The following MGAT5 variants were observed in gnomAD, a reference collection of about 807,000 sequenced individuals.
MGAT5 encodes alpha-1,6-mannosylglycoprotein 6-beta-N-acetylglucosaminyltransferase A.
In MGAT5, 30 loss-of-function variants were observed where a neutral mutation model predicts 94.3. The observed-to-expected ratio is 0.32, with a 90% confidence interval of 0.24 to 0.43. The LOEUF is 0.43. Ranked by LOEUF, MGAT5 falls within the 20% of genes least tolerant of loss-of-function variation. The pLI is 1.00. For synonymous variants in MGAT5, 310 were observed against 322.9 expected, an observed-to-expected ratio of 0.96 and a Z score of 0.43; for missense variants, 691 against 905.5, an observed-to-expected ratio of 0.76 and a Z score of 3.04.
intron 12 of MGAT5, among the ~76,000 whole-genome samples, chr2:134,417,834 T>C (rs955008896): frequency 2.6e-5 from 4 of 152,208 alleles, no homozygotes; most frequent in Non-Finnish European, 4.4e-5. Flanking sequence ...CAGTATTTAT[T>C]GTATCATATA....
At chr2:134,446,357 C>T (rs1430241362) in intron 15 of MGAT5, among the ~76,000 whole-genome samples, 3 of 151,826 alleles carry the variant, frequency 2.0e-5, no homozygotes, top group Non-Finnish European at 4.4e-5. Flanking sequence ...TGAGAGTCGC[C>T]GTAGAGATTT....
intron 12 of MGAT5, among the ~76,000 whole-genome samples, chr2:134,416,952 T>C (rs1684012153): frequency 6.6e-6 from 1 of 150,904 alleles, no homozygotes; most frequent in Non-Finnish European, 1.5e-5. Flanking sequence ...CACTCCTTTT[T>C]ATGAATATCT....
chr2:134,300,428 C>G (rs1685944232), intron 2 of MGAT5, among the ~76,000 whole-genome samples: 1 of 152,148 alleles, frequency 6.6e-6, no homozygotes, highest in Non-Finnish European at 1.5e-5. Flanking sequence ...GTGACTCTTT[C>G]TGCACATGTG....
intron 13 of MGAT5, among the ~76,000 whole-genome samples, chr2:134,424,732 T>C (rs1029539265): frequency 6.6e-6 from 1 of 152,198 alleles, no homozygotes; most frequent in Non-Finnish European, 1.5e-5. Flanking sequence ...GAAGTCAAAA[T>C]GTCAGCAGGG....
intron 2 of MGAT5, among the ~76,000 whole-genome samples, chr2:134,314,330 G>A (rs746934240): frequency 9.9e-5 from 15 of 152,192 alleles, no homozygotes; most frequent in South Asian, 2.1e-4. Context: ...GGAGACTGTC[G>A]AATTAGCTGA....
intron 2 of MGAT5, among the ~76,000 whole-genome samples, chr2:134,281,927 GAGA>G (rs1254981566): frequency 6.6e-6 from 1 of 152,236 alleles, no homozygotes; most frequent in Non-Finnish European, 1.5e-5. Flanking sequence ...TCGAGGCAAG[GAGA>G]AGATTAGTAG....
chr2:134,261,391 A>C (rs1307123133), intron 1 of MGAT5, among the ~76,000 whole-genome samples: 1 of 152,044 alleles, frequency 6.6e-6, no homozygotes, highest in Non-Finnish European at 1.5e-5. Context: ...GACACCCTAA[A>C]AAGCTCCGCA....
chr2:134,225,980 C>T (rs1274858754), intron 1 of MGAT5, among the ~76,000 whole-genome samples: 11 of 152,296 alleles, frequency 7.2e-5, no homozygotes, highest in Admixed American at 3.3e-4. Context: ...AATGATAGCA[C>T]CTTTTGTGTG....
At chr2:134,156,526 TATAGAG>T (rs2105040435) in intron 1 of MGAT5, among the ~76,000 whole-genome samples, 1 of 152,272 alleles carries the variant, frequency 6.6e-6, no homozygotes, top group African/African-American at 2.4e-5. Flanking sequence ...AAGAGTTCCT[TATAGAG>T]GCCCAAAGCA....
chr2:134,330,054 G>A (rs570216310), intron 4 of MGAT5, among the ~76,000 whole-genome samples: 2 of 152,210 alleles, frequency 1.3e-5, no homozygotes, highest in African/African-American at 4.8e-5. Context: ...ACAAATGTGT[G>A]TATGTTTATG....
chr2:134,442,621 G>T (rs1685547961), intron 15 of MGAT5, among the ~76,000 whole-genome samples: 2 of 152,140 alleles, frequency 1.3e-5, no homozygotes, highest in Admixed American at 1.3e-4. Context: ...CCTTGTGCTT[G>T]CATTACTTAG....
chr2:134,208,248 A>G (rs1028278087), intron 1 of MGAT5, among the ~76,000 whole-genome samples: 1 of 152,074 alleles, frequency 6.6e-6, no homozygotes, highest in Non-Finnish European at 1.5e-5. Flanking sequence ...TCTTCAGTTT[A>G]TCCTGCATCA....
At chr2:134,225,037 C>T (rs1214326375) in intron 1 of MGAT5, among the ~76,000 whole-genome samples, 2 of 132,758 alleles carry the variant, frequency 1.5e-5, no homozygotes, top group Non-Finnish European at 3.0e-5. Flanking sequence ...TATGATCTTA[C>T]TGCAAGCCAG....
At chr2:134,363,445 A>T (rs1013273492) in intron 10 of MGAT5, among the ~76,000 whole-genome samples, 1 of 152,234 alleles carries the variant, frequency 6.6e-6, no homozygotes, top group South Asian at 2.1e-4. Context: ...TTAATTCCAG[A>T]CAACTCTTTG....
intron 1 of MGAT5, among the ~76,000 whole-genome samples, chr2:134,215,336 G>A (rs1162679350): frequency 6.6e-6 from 1 of 152,196 alleles, no homozygotes; most frequent in East Asian, 1.9e-4. Flanking sequence ...CAACACCTGG[G>A]ACTGGATAGC....
At chr2:134,402,865 G>C in intron 10 of MGAT5, 123 bp from the exon 11 acceptor site, 1 of 961,914 alleles carries the variant, frequency 1.0e-6, no homozygotes, top group Non-Finnish European at 1.5e-6. Flanking sequence ...CCAAATTCCT[G>C]TGATCTCCAT....
intron 1 of MGAT5, chr2:134,231,400 CTG>C (rs1681357364): frequency 6.6e-6 from 1 of 152,178 alleles, no homozygotes; most frequent in East Asian, 1.9e-4. Flanking sequence ...TTTCAGTAAA[CTG>C]TTACAAAAAG....
chr2:134,403,165 C>A (rs1433551084), intron 11 of MGAT5, 28 bp downstream of exon 11: 2 of 1,576,854 alleles, frequency 1.3e-6, no homozygotes, highest in South Asian at 2.4e-5. Flanking sequence ...ATGTGGTGTT[C>A]AGGTTATTGC....
intron 12 of MGAT5, 78 bp downstream of exon 12, chr2:134,413,093 C>A: frequency 6.7e-7 from 1 of 1,493,818 alleles, no homozygotes; most frequent in Non-Finnish European, 9.2e-7. Flanking sequence ...TAGGTATTAA[C>A]TTCATCTAAC....
Sources: allele counts gnomAD v4.1 joint callset (sites outside exome capture counted in the v4.1 genomes callset), GRCh38; gene constraint gnomAD v4.1.1; transcripts MANE v1.5; gene names NCBI Gene and HGNC (gene_info 2026-07-23, HGNC 2026-07-21).